The following TMEM132B variants were observed in gnomAD, a reference collection of about 807,000 sequenced individuals.
The protein encoded by TMEM132B is transmembrane protein 132B.
In TMEM132B, 18 loss-of-function variants were observed where a neutral mutation model predicts 90.8. That is an observed-to-expected ratio of 0.20 (90% confidence interval 0.14 to 0.29). The LOEUF is 0.29. TMEM132B is among the 10% of genes least tolerant of loss of function. TMEM132B has a pLI of 1.00. For missense variants in TMEM132B, 1,096 were observed against 1,326.8 expected, an observed-to-expected ratio of 0.83 and a Z score of 2.70; for synonymous variants, 504 against 523.3, an observed-to-expected ratio of 0.96 and a Z score of 0.50.
At chr12:125,333,477 C>G (rs989823130) in intron 1 of TMEM132B, among the ~76,000 whole-genome samples, 3 of 152,206 alleles carry the variant, frequency 2.0e-5, no homozygotes, top group African/African-American at 7.2e-5. Flanking sequence ...ATGTCTAAGT[C>G]TGAAGCTGTT....
chr12:125,333,631 G>A (rs1400055300), intron 1 of TMEM132B, among the ~76,000 whole-genome samples: 1 of 152,192 alleles, frequency 6.6e-6, no homozygotes, highest in Non-Finnish European at 1.5e-5. Flanking sequence ...GGGGACTGTG[G>A]TGAGCTTTAG....
intron 1 of TMEM132B, among the ~76,000 whole-genome samples, chr12:125,190,790 G>T (rs1350697491): frequency 3.4e-5 from 1 of 29,192 alleles, no homozygotes; most frequent in African/African-American, 1.8e-4. Flanking sequence ...GATGGGAAGG[G>T]GTGGTGATGG....
rs373229284 is a variant in TMEM132B, at chr12:125,653,940, A to G, written c.2482A>G (p.Asn828Asp). 60 of 1,614,084 alleles carry G rather than the reference A, an allele frequency of 3.7e-5. No individual in the cohort carries two copies. Among genetic ancestry groups the G allele is most frequent in the Non-Finnish European group, 4.9e-5 (58 of 1,180,050 alleles). Residue 828 changes from asparagine (N) to aspartate (D), a missense_variant, in exon 9 of 9, where the codon AAC becomes GAC. Physicochemically the swap from Asn to Asp is conservative, Grantham distance 23. Coordinates refer to ENST00000682704, the MANE Select transcript of TMEM132B (RefSeq NM_001366854.1). ...CAGTAATTCCATAGAGCGCGAAGGA[A>G]ACCAGGAGAGAGCAGTCCAGGAATG... ...HLSNSIEREG[N>D]QERAVQEWFH...
intron 2 of TMEM132B, among the ~76,000 whole-genome samples, chr12:125,352,489 G>A (rs973973742): frequency 2.6e-5 from 4 of 152,174 alleles, no homozygotes; most frequent in South Asian, 2.1e-4. Flanking sequence ...TGTGCCCTTC[G>A]GCAAGTCACT....
chr12:125,205,220 C>T lies in TMEM132B; in HGVS notation c.67+18354C>T, dbSNP rs1280303409. ...GTGTGGAGTATCTCATGAGTCCTTT[C>T]AATGAGGGCTCCGTGTGCCAGGCAG... is the stretch of plus-strand genomic sequence containing the variant. On this transcript the variant is annotated intron_variant, in intron 1 of 8. Transcript: ENST00000682704. Among the ~76,000 whole-genome samples the T allele has an allele frequency of 3.9e-5, 6 of 152,096 alleles. No homozygotes were observed. The East Asian group carries it at 9.7e-4, about 25-fold the overall frequency.
intron 3 of TMEM132B, among the ~76,000 whole-genome samples, chr12:125,457,439 G>A (rs780862260): frequency 2.6e-5 from 4 of 152,114 alleles, no homozygotes; most frequent in South Asian, 2.1e-4. Context: ...TATTAATCAC[G>A]GCCAGCTCTT....
At chr12:125,623,149 A>G (rs1315138267) in intron 5 of TMEM132B, among the ~76,000 whole-genome samples, 2 of 152,154 alleles carry the variant, frequency 1.3e-5, no homozygotes, top group Non-Finnish European at 2.9e-5. Context: ...TCAACGCCCA[A>G]TCCCTTCTCA....
chr12:125,387,167 G>A (rs1878863267), intron 2 of TMEM132B, among the ~76,000 whole-genome samples: 1 of 149,444 alleles, frequency 6.7e-6, no homozygotes, highest in African/African-American at 2.5e-5. Flanking sequence ...CGGGGAGATG[G>A]TGGGGGGGTG....
chr12:125,259,372 A>G (rs1019790059), intron 1 of TMEM132B, among the ~76,000 whole-genome samples: 16 of 152,328 alleles, frequency 1.1e-4, no homozygotes, highest in Non-Finnish European at 7.3e-5. Flanking sequence ...TTAGCCACAC[A>G]GGGCTGCCTG....
At chr12:125,461,578 T>A (rs566943114) in intron 3 of TMEM132B, among the ~76,000 whole-genome samples, 7 of 152,212 alleles carry the variant, frequency 4.6e-5, no homozygotes, top group Non-Finnish European at 8.8e-5. Context: ...GGATTTGAGG[T>A]AGAATCTCTC....
chr12:125,212,135 G>C (rs1873333401), intron 1 of TMEM132B, among the ~76,000 whole-genome samples: 2 of 152,066 alleles, frequency 1.3e-5, no homozygotes, highest in South Asian at 4.2e-4. Flanking sequence ...GACATTTGGT[G>C]GGCTTTGCTT....
intron 2 of TMEM132B, among the ~76,000 whole-genome samples, chr12:125,393,005 A>T (rs418329): frequency 0.51 from 77,818 of 151,684 alleles, 20,711 homozygotes; most frequent in East Asian, 0.88. Context: ...ATTTGCAACA[A>T]GGGCTCCAAC....
chr12:125,386,651 G>A (rs186373549), intron 2 of TMEM132B, among the ~76,000 whole-genome samples: 5 of 152,308 alleles, frequency 3.3e-5, no homozygotes, highest in Admixed American at 1.3e-4. Flanking sequence ...AGTAAGACAG[G>A]CATATCCAAA....
At chr12:125,435,435 G>T (rs1880671772) in intron 3 of TMEM132B, among the ~76,000 whole-genome samples, 1 of 152,132 alleles carries the variant, frequency 6.6e-6, no homozygotes, top group Admixed American at 6.5e-5. Flanking sequence ...CAAGTTTTCT[G>T]CAGGGGGAGG....
chr12:125,644,055 G>C (rs568855763), intron 5 of TMEM132B, 21 bp from the exon 6 acceptor site: 1 of 1,610,884 alleles, frequency 6.2e-7, no homozygotes, highest in African/African-American at 1.3e-5. Flanking sequence ...TGCATCTCAA[G>C]GTTCTACCTC....
chr12:125,494,445 C>G (rs112661659), intron 3 of TMEM132B, among the ~76,000 whole-genome samples: 1 of 114,704 alleles, frequency 8.7e-6, no homozygotes. Context: ...CCGTGTCCCT[C>G]CTCCCCCTCC....
chr12:125,382,660 G>C lies in TMEM132B; in HGVS notation c.959+32317G>C, dbSNP rs996927314. On this transcript the variant is annotated intron_variant, in intron 2 of 8. Coordinates refer to ENST00000682704, the MANE Select transcript of TMEM132B (RefSeq NM_001366854.1). Reference sequence around the variant, plus strand: ...AAAGAGGCCTTTAAAAAGTGTAAAAGTCTGTGAAAGATGGGTGGTTTGATT... The same window carrying C: ...AAAGAGGCCTTTAAAAAGTGTAAAACTCTGTGAAAGATGGGTGGTTTGATT... Among the ~76,000 whole-genome samples, 3 of 152,196 alleles carry C rather than the reference G, an allele frequency of 2.0e-5. No homozygotes were observed. In the East Asian group the frequency reaches 5.8e-4, roughly 29 times the overall value.
At chr12:125,611,924 G>A (rs1038845200) in intron 5 of TMEM132B, among the ~76,000 whole-genome samples, 1 of 151,968 alleles carries the variant, frequency 6.6e-6, no homozygotes, top group Non-Finnish European at 1.5e-5. Context: ...GGTCAAATTC[G>A]TTTATAATGT....
chr12:125,547,926 G>T (rs917244698), intron 4 of TMEM132B, among the ~76,000 whole-genome samples: 1 of 152,210 alleles, frequency 6.6e-6, no homozygotes, highest in African/African-American at 2.4e-5. Context: ...AATATTTAAA[G>T]GAAACTGAGC....
Sources: gnomAD v4.1 joint callset for allele counts (sites outside exome capture counted in the v4.1 genomes callset) on GRCh38, gnomAD v4.1.1 for gene constraint, MANE v1.5 for transcripts, NCBI Gene and HGNC (gene_info 2026-07-23, HGNC 2026-07-21) for gene names.